PHLPP1: variants seen among roughly 807,000 people sequenced by gnomAD.
PHLPP1 encodes the protein PH domain leucine-rich repeat-containing protein phosphatase 1.
In PHLPP1, 42 loss-of-function variants were observed where a neutral mutation model predicts 117.2. The observed-to-expected ratio is 0.36, with a 90% CI of 0.28 to 0.46. The LOEUF is 0.46. Ranked by LOEUF, PHLPP1 falls within the 20% of genes least tolerant of loss-of-function variation. The probability of loss-of-function intolerance (pLI) is 1.00; values close to 1 mark genes in which losing one functional copy is unlikely to be tolerated. For synonymous variants in PHLPP1, 1,042 were observed against 970.7 expected, an observed-to-expected ratio of 1.07 and a Z score of -1.37; for missense variants, 2,084 against 2,241.9, an observed-to-expected ratio of 0.93 and a Z score of 1.42.
intron 1 of PHLPP1, among the ~76,000 whole-genome samples, chr18:62,773,361 G>A (rs1912853314): frequency 6.6e-6 from 1 of 152,138 alleles, no homozygotes; most frequent in African/African-American, 2.4e-5. Context: ...AATGTTGTTT[G>A]AACTTTGTAC....
At chr18:62,774,907 C>G (rs554376827) in intron 1 of PHLPP1, among the ~76,000 whole-genome samples, 122 of 151,458 alleles carry the variant, frequency 8.1e-4, no homozygotes, top group African/African-American at 2.9e-3. Context: ...TATTTATCAA[C>G]CTCCTTTTCT....
chr18:62,901,633 T>A (rs1045390631), intron 6 of PHLPP1, among the ~76,000 whole-genome samples: 1 of 151,612 alleles, frequency 6.6e-6, no homozygotes, highest in African/African-American at 2.4e-5. Flanking sequence ...TTTTTCTTTT[T>A]TTTTTTTTGA....
chr18:62,741,698 C>T lies in PHLPP1; in HGVS notation c.1576+24439C>T, dbSNP rs76869749. Among the ~76,000 whole-genome samples, 823 of 149,926 alleles carry T rather than the reference C, an allele frequency of 5.5e-3. 15 individuals carry two copies. Among genetic ancestry groups the T allele is most frequent in the African/African-American group, 0.019 (788 of 40,638 alleles). On this transcript the variant is annotated intron_variant, in intron 1 of 16. Coordinates refer to ENST00000262719, the MANE Select transcript of PHLPP1 (RefSeq NM_194449.4). ...TTAATTGTAATTGTTATGTGTGCCA[C>T]GAGGAAGAAATCTAGTATGCAGTGA...
chr18:62,769,779 GCTAA>G (rs1265386684), intron 1 of PHLPP1, among the ~76,000 whole-genome samples: 1 of 152,134 alleles, frequency 6.6e-6, no homozygotes, highest in African/African-American at 2.4e-5. Flanking sequence ...CTAAAATGCA[GCTAA>G]CTGTTCATCA....
At chr18:62,790,165 C>CTAT (rs1007902571) in intron 1 of PHLPP1, among the ~76,000 whole-genome samples, 3 of 152,114 alleles carry the variant, frequency 2.0e-5, no homozygotes, top group African/African-American at 7.2e-5. Context: ...CACACCTCAC[C>CTAT]TATTTAGTGT....
chr18:62,844,043 T>C (rs1441733354), intron 3 of PHLPP1, among the ~76,000 whole-genome samples: 1 of 152,200 alleles, frequency 6.6e-6, no homozygotes, highest in Non-Finnish European at 1.5e-5. Context: ...ACCATATTAT[T>C]CTACTTTAAA....
In PHLPP1 at chr18:62,715,638, G is replaced by T; in HGVS notation, c.-46G>T. The T allele has an allele frequency of 1.6e-6, 2 of 1,237,742 alleles. No homozygotes were observed. Among genetic ancestry groups the T allele is most frequent in the African/African-American group, 1.6e-5 (1 of 64,238 alleles). 76.7% of individuals were successfully genotyped at this position (1,237,742 alleles called of 1,614,324 possible). On this transcript the variant is annotated 5_prime_UTR_variant, in exon 1 of 17. Transcript: ENST00000262719. The stretch of plus-strand genomic sequence containing the variant: ...CCTCCGCCTCATCGCCTCCCTCTCC[G>T]CCCGCTGCCTCCGGAGCTGGGGGGG...
intron 1 of PHLPP1, among the ~76,000 whole-genome samples, chr18:62,748,247 GT>G (rs59135441): frequency 0.2 from 28,114 of 137,770 alleles, 4,758 homozygotes; most frequent in African/African-American, 0.5. Flanking sequence ...GGTTTTTTTT[GT>G]TTTTTTTTTT....
chr18:62,883,397 A>G (rs1288324375), intron 4 of PHLPP1, among the ~76,000 whole-genome samples: 1 of 152,206 alleles, frequency 6.6e-6, no homozygotes. Context: ...AAAGTGGGCA[A>G]AGGATATGAA....
intron 1 of PHLPP1, among the ~76,000 whole-genome samples, chr18:62,813,534 G>C (rs1196997813): frequency 6.6e-6 from 1 of 152,168 alleles, no homozygotes. Flanking sequence ...TGATTTGCTT[G>C]CTTCTTTGGT....
intron 16 of PHLPP1, 103 bp downstream of exon 16, chr18:62,975,728 T>G (rs776259914): frequency 1.4e-6 from 1 of 728,656 alleles, no homozygotes; most frequent in Non-Finnish European, 2.4e-6. Flanking sequence ...AAGAACACTT[T>G]TGAAGTTGGT....
At chr18:62,826,718 G>T (rs1037517950) in intron 1 of PHLPP1, among the ~76,000 whole-genome samples, 1 of 152,054 alleles carries the variant, frequency 6.6e-6, no homozygotes, top group Non-Finnish European at 1.5e-5. Flanking sequence ...AGATCCAGAG[G>T]CCATCCGGGC....
chr18:62,766,060 C>CAAA (rs1168861892), intron 1 of PHLPP1, among the ~76,000 whole-genome samples: 295 of 15,148 alleles, frequency 0.019, 40 homozygotes, highest in African/African-American at 0.022. Context: ...GACTCCATCT[C>CAAA]AAAAAAAAAA....
chr18:62,884,683 G>A (rs1465131316), intron 4 of PHLPP1, among the ~76,000 whole-genome samples: 1 of 152,152 alleles, frequency 6.6e-6, no homozygotes, highest in African/African-American at 2.4e-5. Context: ...AGTTAAACAC[G>A]GGCTGTTACT....
intron 13 of PHLPP1, among the ~76,000 whole-genome samples, chr18:62,960,084 A>AT (rs376536504): frequency 2.0e-5 from 3 of 152,314 alleles, no homozygotes; most frequent in Admixed American, 6.5e-5. Flanking sequence ...GCTTTTGAGT[A>AT]TTTTTTATAC....
chr18:62,828,008 T>TTGTGTGTGTGTGTG (rs34088259), intron 1 of PHLPP1, among the ~76,000 whole-genome samples: 1 of 146,668 alleles, frequency 6.8e-6, no homozygotes, highest in East Asian at 2.0e-4. Context: ...TTCTTTGCAT[T>TTGTGTGTGTGTGTG]TGTGTGTGTG....
chr18:62,894,229 T>G (rs953943940), intron 4 of PHLPP1, among the ~76,000 whole-genome samples: 5 of 152,212 alleles, frequency 3.3e-5, no homozygotes, highest in Admixed American at 6.5e-5. Context: ...AGAGTGTCAC[T>G]CTGTCGCCCA....
intron 15 of PHLPP1, 67 bp from the exon 16 acceptor site, chr18:62,975,329 CT>C (rs1280583611): frequency 1.9e-6 from 2 of 1,037,258 alleles, no homozygotes; most frequent in South Asian, 1.3e-5. Flanking sequence ...TGCGGTCTTG[CT>C]GTTGAATTTG....
intron 10 of PHLPP1, among the ~76,000 whole-genome samples, chr18:62,936,488 A>G (rs1224182916): frequency 1.3e-5 from 2 of 152,242 alleles, no homozygotes; most frequent in Admixed American, 1.3e-4. Context: ...CATAGTCTCA[A>G]ATGATCTCTC....
Sources: gnomAD v4.1 joint callset for allele counts (sites outside exome capture counted in the v4.1 genomes callset) on GRCh38, gnomAD v4.1.1 for gene constraint, MANE v1.5 for transcripts, NCBI Gene and HGNC (gene_info 2026-07-23, HGNC 2026-07-21) for gene names.